FHOD3: variants seen among roughly 807,000 people sequenced by gnomAD.
FHOD3 encodes the protein formin homology 2 domain containing 3.
In FHOD3, 90 loss-of-function variants were observed where a neutral mutation model predicts 173.0. That is an observed-to-expected ratio of 0.52 (90% confidence interval 0.44 to 0.62). The LOEUF (loss-of-function observed/expected upper bound fraction) is 0.62. Ranked by LOEUF, FHOD3 falls within the 20% of genes least tolerant of loss-of-function variation. The probability of loss-of-function intolerance (pLI) is 0.00; values close to 1 mark genes in which losing one functional copy is unlikely to be tolerated. For synonymous variants in FHOD3, 828 were observed against 823.0 expected (o/e 1.01, Z -0.10); for missense variants, 1,945 against 2,034.7 (o/e 0.96, Z 0.85).
At chr18:36,549,769 C>T (rs1366853112) in intron 5 of FHOD3, among the ~76,000 whole-genome samples, 13 of 148,136 alleles carry the variant, frequency 8.8e-5, no homozygotes, top group Non-Finnish European at 1.5e-4. Context: ...AGGATGGTCT[C>T]GATCTCCTGA....
intron 5 of FHOD3, among the ~76,000 whole-genome samples, chr18:36,539,261 T>C (rs1477929030): frequency 1.3e-5 from 2 of 152,170 alleles, no homozygotes. Flanking sequence ...CTATATTCTA[T>C]AGACTGAGTT....
intron 3 of FHOD3, among the ~76,000 whole-genome samples, chr18:36,413,990 A>G (rs959169605): frequency 2.0e-5 from 3 of 152,086 alleles, no homozygotes; most frequent in Non-Finnish European, 4.4e-5. Flanking sequence ...TTTAAATTTT[A>G]TTTTTTAAAA....
chr18:36,298,141 C>A (rs1390666509), intron 1 of FHOD3, 141 bp downstream of exon 1: 3 of 718,676 alleles, frequency 4.2e-6, no homozygotes, highest in Admixed American at 8.6e-5. Context: ...GGGCAAATCC[C>A]CCTCCCCGTT....
At chr18:36,640,550 T>C (rs1208365547) in intron 10 of FHOD3, among the ~76,000 whole-genome samples, 3 of 152,230 alleles carry the variant, frequency 2.0e-5, no homozygotes, top group Non-Finnish European at 4.4e-5. Flanking sequence ...TTCTTTACCA[T>C]AAATGTAACA....
At chr18:36,406,879 A>C (rs2049101840) in intron 3 of FHOD3, among the ~76,000 whole-genome samples, 1 of 152,076 alleles carries the variant, frequency 6.6e-6, no homozygotes, top group African/African-American at 2.4e-5. Context: ...TTACCACGTC[A>C]CCCATCTGTC....
chr18:36,626,590 G>C (rs1349093034), intron 10 of FHOD3, among the ~76,000 whole-genome samples: 1 of 152,134 alleles, frequency 6.6e-6, no homozygotes, highest in Admixed American at 6.5e-5. Flanking sequence ...TTAGGCTCCA[G>C]TCTCTGCCAC....
At chr18:36,384,399 C>CAA (rs144400826) in intron 3 of FHOD3, among the ~76,000 whole-genome samples, 5 of 150,980 alleles carry the variant, frequency 3.3e-5, no homozygotes, top group African/African-American at 1.2e-4. Flanking sequence ...AAAAAACAAA[C>CAA]ACAAAAAACA....
At chr18:36,647,250 C>T (rs1410840995) in intron 10 of FHOD3, among the ~76,000 whole-genome samples, 1 of 152,102 alleles carries the variant, frequency 6.6e-6, no homozygotes, top group African/African-American at 2.4e-5. Context: ...TTCAAAAACA[C>T]ACTTCTTCAA....
chr18:36,512,228 G>A (rs1047439938), intron 4 of FHOD3, among the ~76,000 whole-genome samples: 5 of 152,222 alleles, frequency 3.3e-5, no homozygotes, highest in Non-Finnish European at 7.3e-5. Flanking sequence ...TGCCCAGAAG[G>A]CAGCAATAAC....
At chr18:36,310,381 G>A (rs1301514647) in intron 1 of FHOD3, among the ~76,000 whole-genome samples, 1 of 152,076 alleles carries the variant, frequency 6.6e-6, no homozygotes, top group Non-Finnish European at 1.5e-5. Flanking sequence ...TAGGCCTGTG[G>A]GGCTATAGAA....
At chr18:36,543,391 T>C (rs2057298313) in intron 5 of FHOD3, among the ~76,000 whole-genome samples, 1 of 152,184 alleles carries the variant, frequency 6.6e-6, no homozygotes, top group African/African-American at 2.4e-5. Flanking sequence ...AGAGATCCAC[T>C]AGCAGAGAAA....
intron 5 of FHOD3, among the ~76,000 whole-genome samples, chr18:36,546,560 G>C (rs1472791471): frequency 6.6e-6 from 1 of 152,184 alleles, no homozygotes; most frequent in African/African-American, 2.4e-5. Context: ...ACTCTAGGAA[G>C]TTCCCCTTGT....
chr18:36,592,426 A>C (rs1239845435), intron 6 of FHOD3, among the ~76,000 whole-genome samples: 1 of 152,154 alleles, frequency 6.6e-6, no homozygotes, highest in Non-Finnish European at 1.5e-5. Flanking sequence ...TGTGTGAAAA[A>C]CGCTCACACA....
At chr18:36,765,158 G>A (rs1255496978) in intron 27 of FHOD3, among the ~76,000 whole-genome samples, 1 of 152,212 alleles carries the variant, frequency 6.6e-6, no homozygotes, top group Non-Finnish European at 1.5e-5. Flanking sequence ...AGCGGGTGAT[G>A]CTGTGCTAGA....
chr18:36,471,340 T>C (rs2053273337), intron 3 of FHOD3, among the ~76,000 whole-genome samples: 1 of 152,212 alleles, frequency 6.6e-6, no homozygotes, highest in African/African-American at 2.4e-5. Context: ...GCTTGCATCC[T>C]GCTTTACTGT....
rs546323507 is a variant in FHOD3, at chr18:36,621,731, C to G, written c.958-3780C>G. Among the ~76,000 whole-genome samples the G allele has an allele frequency of 3.3e-5, 5 of 152,298 alleles. 1 individual carries two copies. Among genetic ancestry groups the G allele is most frequent in the East Asian group, 1.9e-4 (1 of 5,184 alleles). ...AGCACATCACAGTCTATATTCTTCT[C>G]TCTATTTTGTGTGTGTTTGAGAATT... On this transcript the variant is annotated intron_variant, in intron 9 of 28. Coordinates refer to ENST00000590592, the MANE Select transcript of FHOD3 (RefSeq NM_001281740.3).
intron 10 of FHOD3, among the ~76,000 whole-genome samples, chr18:36,647,236 TG>T (rs1378642756): frequency 2.0e-5 from 3 of 152,168 alleles, no homozygotes; most frequent in Non-Finnish European, 4.4e-5. Flanking sequence ...AGCAAAACTT[TG>T]TCTTCAAAAA....
chr18:36,778,916 G>A (rs974640977), intron 28 of FHOD3: 2 of 154,066 alleles, frequency 1.3e-5, no homozygotes, highest in Non-Finnish European at 2.9e-5. Flanking sequence ...TGTGGGTCTT[G>A]AGCATGTCCC....
rs968846365 is a variant in FHOD3 at position 36,298,113 on chromosome 18, G to C, written c.165+113G>C. On this transcript the variant is annotated intron_variant, in intron 1 of 28. Transcript: ENST00000590592. ...CCCTGGGCTGGGCTGGGCGCGGCCC[G>C]GGGGGACCATCGCTCGAGGGCAAAT... 1,040 of 975,252 alleles carry C rather than the reference G, an allele frequency of 1.1e-3. 2 individuals are homozygous for C. The highest frequency in any genetic ancestry group is 2.0e-3 in the Admixed American group (46 of 23,434). 60.4% of individuals were successfully genotyped at this position (975,252 alleles called of 1,614,324 possible). A position where few individuals can be genotyped will look rare whatever the true frequency, so the allele number is the denominator to read the frequency against.
Sources: allele counts gnomAD v4.1 joint callset (sites outside exome capture counted in the v4.1 genomes callset), GRCh38; gene constraint gnomAD v4.1.1; transcripts MANE v1.5; gene names NCBI Gene and HGNC (gene_info 2026-07-23, HGNC 2026-07-21).